AGMO: variants seen among roughly 807,000 people sequenced by gnomAD.
AGMO encodes glyceryl-ether monooxygenase.
Under a neutral mutation model 60.2 loss-of-function variants are expected in AGMO, and 75 were observed. The ratio of observed to expected loss-of-function variants is 1.25; its 90% CI spans 1.03 to 1.51. The LOEUF is 1.51. Ranked by LOEUF, AGMO falls within the 40% of genes most tolerant of loss-of-function variation. The pLI, the probability that AGMO is intolerant of heterozygous loss-of-function variation, is 0.00. For missense variants in AGMO, 763 were observed against 525.5 expected, an observed-to-expected ratio of 1.45 and a Z score of -4.42; for synonymous variants, 261 against 177.1, an observed-to-expected ratio of 1.47 and a Z score of -3.76.
At chr7:15,219,929 C>A (rs1301872041) in intron 12 of AGMO, among the ~76,000 whole-genome samples, 2 of 152,094 alleles carry the variant, frequency 1.3e-5, no homozygotes, top group Non-Finnish European at 2.9e-5. Context: ...TTACATGTTT[C>A]CTGCACACAC....
intron 2 of AGMO, among the ~76,000 whole-genome samples, chr7:15,550,899 A>G (rs1784936168): frequency 7.2e-6 from 1 of 139,756 alleles, no homozygotes; most frequent in South Asian, 2.5e-4. Context: ...CTTGATGAAC[A>G]TTGATGCAAA....
chr7:15,332,750 A>G (rs1781537354), intron 12 of AGMO, among the ~76,000 whole-genome samples: 1 of 152,184 alleles, frequency 6.6e-6, no homozygotes, highest in African/African-American at 2.4e-5. Context: ...ATTGTTATTC[A>G]AAATAAAAAT....
intron 12 of AGMO, among the ~76,000 whole-genome samples, chr7:15,267,023 T>C (rs759372324): frequency 6.6e-6 from 1 of 151,972 alleles, no homozygotes. Flanking sequence ...AGAGAGAACA[T>C]AAAGAAAATG....
chr7:15,270,635 T>TTTTTTTTTTTTTTTTTTTTTTTTTTG (rs1563063233), intron 12 of AGMO, among the ~76,000 whole-genome samples: 1 of 116,300 alleles, frequency 8.6e-6, no homozygotes, highest in African/African-American at 3.4e-5. Context: ...TTTTTTTTTT[T>TTTTTTTTTTTTTTTTTTTTTTTTTTG]TTGCTGTGCA....
chr7:15,518,636 A>C (rs1783890080), intron 3 of AGMO, among the ~76,000 whole-genome samples: 1 of 152,106 alleles, frequency 6.6e-6, no homozygotes, highest in Non-Finnish European at 1.5e-5. Context: ...ACATCAACAA[A>C]AAGGGCGACC....
chr7:15,421,794 G>A (rs1780932613), intron 4 of AGMO, among the ~76,000 whole-genome samples: 1 of 152,176 alleles, frequency 6.6e-6, no homozygotes, highest in Admixed American at 6.6e-5. Flanking sequence ...GAATCAGGAA[G>A]TGTCTTGGTT....
intron 12 of AGMO, among the ~76,000 whole-genome samples, chr7:15,287,879 T>C (rs1005820027): frequency 3.9e-5 from 6 of 152,328 alleles, no homozygotes; most frequent in Admixed American, 3.3e-4. Context: ...ACCTTTTCAA[T>C]TACTGGCATT....
intron 12 of AGMO, among the ~76,000 whole-genome samples, chr7:15,260,368 C>A (rs1377529388): frequency 6.6e-6 from 1 of 151,964 alleles, no homozygotes; most frequent in Non-Finnish European, 1.5e-5. Flanking sequence ...AGTAGCTATT[C>A]TTTTATCAGA....
chr7:15,273,027 G>C (rs1046369850), intron 12 of AGMO, among the ~76,000 whole-genome samples: 4 of 152,018 alleles, frequency 2.6e-5, no homozygotes, highest in Non-Finnish European at 4.4e-5. Context: ...CTGGATATTA[G>C]CCCTTTGTCA....
At chr7:15,222,168 G>T (rs1781943067) in intron 12 of AGMO, among the ~76,000 whole-genome samples, 2 of 152,058 alleles carry the variant, frequency 1.3e-5, no homozygotes, top group African/African-American at 4.8e-5. Context: ...ATTTTGGGAA[G>T]AAGAGTTAAT....
At position 15,468,122 on chromosome 7, in the gene AGMO, G is replaced by T. The variant is rs1252380318; in HGVS notation, c.410-37014C>A. ...CACTAAATTTTCATATACTTCTGGG[G>T]ATACCTCCTCAAGAAGATACTGAAT... On this transcript the variant is annotated intron_variant, in intron 3 of 12. Coordinates refer to ENST00000342526, the MANE Select transcript of AGMO (RefSeq NM_001004320.2). 3.3e-5 allele frequency among the ~76,000 whole-genome samples: 5 copies of T among 152,206 alleles called. No individual in the cohort carries two copies. In the East Asian group the frequency reaches 9.6e-4, roughly 29 times the overall value.
intron 12 of AGMO, among the ~76,000 whole-genome samples, chr7:15,252,872 CAA>C (rs1348481906): frequency 1.3e-5 from 2 of 152,064 alleles, no homozygotes; most frequent in Non-Finnish European, 2.9e-5. Context: ...AAAGAAAAGA[CAA>C]GAGATCATGA....
chr7:15,212,669 C>T (rs150343245), intron 12 of AGMO, among the ~76,000 whole-genome samples: 57 of 151,964 alleles, frequency 3.8e-4, no homozygotes, highest in African/African-American at 1.3e-3. Context: ...CAAGGGTAAG[C>T]GATGAATCAT....
chr7:15,452,072 A>G (rs543311788), intron 3 of AGMO, among the ~76,000 whole-genome samples: 127 of 152,310 alleles, frequency 8.3e-4, no homozygotes, highest in African/African-American at 2.9e-3. Context: ...CAAATATACA[A>G]GTACAGAGTC....
At chr7:15,386,913 T>C (rs1783937707) in intron 9 of AGMO, among the ~76,000 whole-genome samples, 1 of 152,220 alleles carries the variant, frequency 6.6e-6, no homozygotes, top group South Asian at 2.1e-4. Context: ...CTGCATTTAA[T>C]TGTTCTACTC....
At position 15,232,428 on chromosome 7, in the gene AGMO, C is replaced by T. The variant is rs1350732547; in HGVS notation, c.1264-31069G>A. Among the ~76,000 whole-genome samples, 7 of 152,250 alleles carry T rather than the reference C, an allele frequency of 4.6e-5. No individual in the cohort carries two copies. In the East Asian group the frequency reaches 1.2e-3, roughly 25 times the overall value. On this transcript the variant is annotated intron_variant, in intron 12 of 12. Transcript: ENST00000342526. ...CACTGTTCTTGTGCCAACGTTCTTT[C>T]TTAGTAAACCAAACTGCCTTAATCT...
At chr7:15,294,016 T>C (rs1784348066) in intron 12 of AGMO, among the ~76,000 whole-genome samples, 1 of 152,110 alleles carries the variant, frequency 6.6e-6, no homozygotes, top group South Asian at 2.1e-4. Context: ...GACTAAAATT[T>C]ATTAATAAGT....
intron 10 of AGMO, among the ~76,000 whole-genome samples, chr7:15,374,974 G>C (rs146943074): frequency 1.4e-4 from 22 of 152,182 alleles, no homozygotes; most frequent in African/African-American, 4.3e-4. Context: ...ACAATGCCCA[G>C]TATGTGTGTA....
At chr7:15,270,105 C>T (rs1447754467) in intron 12 of AGMO, among the ~76,000 whole-genome samples, 2 of 152,024 alleles carry the variant, frequency 1.3e-5, no homozygotes, top group Admixed American at 6.6e-5. Flanking sequence ...ATAATGATTT[C>T]TTTTCCTGTG....
Sources: gnomAD v4.1 joint callset for allele counts (sites outside exome capture counted in the v4.1 genomes callset) on GRCh38, gnomAD v4.1.1 for gene constraint, MANE v1.5 for transcripts, NCBI Gene and HGNC (gene_info 2026-07-23, HGNC 2026-07-21) for gene names.